The following LTBP1 variants were observed in gnomAD, a reference collection of about 807,000 sequenced individuals.
LTBP1 encodes latent transforming growth factor beta binding protein 1, also known as latent-transforming growth factor beta-binding protein 1.
In LTBP1, 129 loss-of-function variants were observed where a neutral mutation model predicts 207.6. The observed-to-expected ratio is 0.62, with a 90% CI of 0.54 to 0.72. The LOEUF is 0.72. Ranked by LOEUF, LTBP1 falls within the 30% of genes least tolerant of loss-of-function variation. LTBP1 has a pLI of 0.00. For synonymous variants in LTBP1, 963 were observed against 833.7 expected, an observed-to-expected ratio of 1.16 and a Z score of -2.67; for missense variants, 2,281 against 2,217.2, an observed-to-expected ratio of 1.03 and a Z score of -0.58.
intron 24 of LTBP1, among the ~76,000 whole-genome samples, chr2:33,329,191 T>G (rs2094465368): frequency 6.6e-6 from 1 of 152,208 alleles, no homozygotes; most frequent in Non-Finnish European, 1.5e-5. Context: ...TCATTCCTCT[T>G]AAGGTTTAGC....
chr2:33,330,807 A>T (rs1379765893), intron 24 of LTBP1, among the ~76,000 whole-genome samples: 4 of 139,482 alleles, frequency 2.9e-5, no homozygotes, highest in African/African-American at 5.5e-5. Context: ...TTTCTCTATC[A>T]TGGTCTCAAA....
intron 31 of LTBP1, among the ~76,000 whole-genome samples, chr2:33,374,634 A>G (rs536934954): frequency 2.0e-5 from 3 of 152,196 alleles, no homozygotes; most frequent in African/African-American, 7.2e-5. Flanking sequence ...TGAAATGGCC[A>G]GTAAGCCAGT....
chr2:33,299,156 C>T (rs997669780), intron 20 of LTBP1, among the ~76,000 whole-genome samples: 1 of 151,404 alleles, frequency 6.6e-6, no homozygotes, highest in African/African-American at 2.4e-5. Context: ...GCAGGAGAAT[C>T]GCTTGAACCC....
intron 3 of LTBP1, among the ~76,000 whole-genome samples, chr2:33,101,997 GAA>G (rs1054501312): frequency 3.3e-4 from 50 of 152,118 alleles, no homozygotes; most frequent in African/African-American, 1.2e-3. Context: ...ACATAGAAGA[GAA>G]GAGGATATGT....
chr2:33,263,278 C>G lies in LTBP1; in HGVS notation c.2519-16C>G, dbSNP rs1421054708. ...CGGGCTTTAATTTTCTTTTTATCCT[C>G]TGCTTCCTCATATAGTAGTGATTGA... On this transcript the variant is annotated splice_polypyrimidine_tract_variant and intron_variant, in intron 14 of 33. Transcript: ENST00000404816. The G allele has an allele frequency of 9.1e-6, 14 of 1,533,030 alleles. No homozygotes were observed. The highest frequency in any genetic ancestry group is 4.1e-5 in the African/African-American group (3 of 73,468). The allele number at this position is 1,533,030 out of a possible 1,614,324, so 95.0% of individuals were successfully genotyped here.
intron 32 of LTBP1, among the ~76,000 whole-genome samples, chr2:33,391,002 CCTTCT>C (rs1440608935): frequency 3.4e-5 from 5 of 147,254 alleles, no homozygotes; most frequent in African/African-American, 1.3e-4. Context: ...TTTTTTTTTT[CCTTCT>C]CTTCTCTTTC....
chr2:33,217,524 C>A (rs371797040), intron 7 of LTBP1, 28 bp from the exon 8 acceptor site: 54 of 1,549,366 alleles, frequency 3.5e-5, no homozygotes, highest in Middle Eastern at 1.7e-4. Flanking sequence ...CTCAATTAAC[C>A]TTCATATTTC....
At chr2:33,153,169 C>T (rs2083678050) in intron 5 of LTBP1, among the ~76,000 whole-genome samples, 1 of 152,126 alleles carries the variant, frequency 6.6e-6, no homozygotes, top group African/African-American at 2.4e-5. Flanking sequence ...TTTTTGGGCT[C>T]TGTTTTCCAC....
intron 20 of LTBP1, 78 bp downstream of exon 20, chr2:33,293,360 G>A (rs927721606): frequency 7.1e-7 from 1 of 1,403,028 alleles, no homozygotes; most frequent in African/African-American, 1.5e-5. Context: ...CCTTAGAAAA[G>A]GGAACCCTGC....
intron 2 of LTBP1, among the ~76,000 whole-genome samples, chr2:33,008,353 A>G (rs1169741386): frequency 1.3e-5 from 2 of 152,228 alleles, no homozygotes; most frequent in African/African-American, 2.4e-5. Flanking sequence ...TGTAGAAATT[A>G]CAGCCCTTAA....
chr2:33,256,828 T>C (rs2092874572), intron 11 of LTBP1, among the ~76,000 whole-genome samples: 1 of 122,998 alleles, frequency 8.1e-6, no homozygotes, highest in Admixed American at 8.9e-5. Flanking sequence ...ACCCAATTGG[T>C]TGGTTGAATC....
intron 3 of LTBP1, among the ~76,000 whole-genome samples, chr2:33,098,417 T>C (rs1159774749): frequency 1.3e-5 from 2 of 152,170 alleles, no homozygotes; most frequent in Non-Finnish European, 2.9e-5. Flanking sequence ...CTATTAACTT[T>C]ATGGTGTCTT....
chr2:33,354,719 CA>C lies in LTBP1; in HGVS notation c.4001-5877del, dbSNP rs1559058147. Among the ~76,000 whole-genome samples, 551 of 145,938 alleles carry C rather than the reference CA, an allele frequency of 3.8e-3. 3 individuals are homozygous for C. Among genetic ancestry groups the C allele is most frequent in the African/African-American group, 0.013 (519 of 39,840 alleles). On this transcript the variant is annotated intron_variant, in intron 26 of 33. Coordinates refer to ENST00000404816, the MANE Select transcript of LTBP1 (RefSeq NM_206943.4). The stretch of plus-strand genomic sequence containing the variant: ...ACACACACACACACACACACACACA[CA>C]CACACACACCATTGTATCTTCATTT...
At position 33,311,740 on chromosome 2, in the gene LTBP1, G is replaced by A. The variant is rs116249720; in HGVS notation, c.3604+2184G>A. Among the ~76,000 whole-genome samples, 1,482 of 152,184 alleles carry A rather than the reference G, an allele frequency of 9.7e-3. 30 individuals carry two copies. The highest frequency in any genetic ancestry group is 0.034 in the African/African-American group (1,407 of 41,524). On this transcript the variant is annotated intron_variant, in intron 23 of 33. Coordinates refer to ENST00000404816, the MANE Select transcript of LTBP1 (RefSeq NM_206943.4). ...AGTTCAGTCACACGGAACTAATTTA[G>A]TTATCTGATTCATTAATTGCACTAC...
chr2:33,386,138 C>T (rs1476730539), intron 31 of LTBP1, among the ~76,000 whole-genome samples: 1 of 152,178 alleles, frequency 6.6e-6, no homozygotes, highest in Non-Finnish European at 1.5e-5. Flanking sequence ...AGTTTTCTTT[C>T]TTGATGCCTT....
intron 3 of LTBP1, among the ~76,000 whole-genome samples, chr2:33,062,665 C>G (rs181521324): frequency 6.6e-6 from 1 of 152,196 alleles, no homozygotes; most frequent in East Asian, 1.9e-4. Flanking sequence ...GTTGTTGATC[C>G]TTATGCTAGT....
At chr2:33,168,019 A>G (rs1050862000) in intron 5 of LTBP1, among the ~76,000 whole-genome samples, 1 of 152,170 alleles carries the variant, frequency 6.6e-6, no homozygotes, top group South Asian at 2.1e-4. Flanking sequence ...GAAGTTTATG[A>G]TAATATCTAA....
In LTBP1 at chr2:33,365,468, G is replaced by T; in HGVS notation, c.4676G>T (p.Gly1559Val). ...TGCTGTCTGTATGGAGAGGCCTGGGGCATGCAGTGTGCCCTCTGCCCCCTG... is the reference window on the plus strand; with the variant it reads ...TGCTGTCTGTATGGAGAGGCCTGGGTCATGCAGTGTGCCCTCTGCCCCCTG... ...ECCCLYGEAWGMQCALCPLKD... is the reference protein window; with the variant it reads ...ECCCLYGEAWVMQCALCPLKD... Residue 1559 changes from glycine to valine, a missense_variant, in exon 31 of 34, where the codon GGC (glycine) becomes GTC (valine). Gly to Val is a moderately radical substitution (Grantham distance 109). Transcript: ENST00000404816. 1 of 1,614,114 alleles carries T rather than the reference G, an allele frequency of 6.2e-7. No homozygotes were observed. Among genetic ancestry groups the T allele is most frequent in the Non-Finnish European group, 8.5e-7 (1 of 1,179,984 alleles).
At chr2:33,125,258 A>T (rs2081360673) in intron 4 of LTBP1, among the ~76,000 whole-genome samples, 1 of 152,214 alleles carries the variant, frequency 6.6e-6, no homozygotes, top group Non-Finnish European at 1.5e-5. Context: ...TAGCAGAATG[A>T]CCGTGGTCAA....
Sources: allele counts gnomAD v4.1 joint callset (sites outside exome capture counted in the v4.1 genomes callset), GRCh38; gene constraint gnomAD v4.1.1; transcripts MANE v1.5; gene names NCBI Gene and HGNC (gene_info 2026-07-23, HGNC 2026-07-21).